The following ITGB3BP variants were observed in gnomAD, a reference collection of about 807,000 sequenced individuals.
ITGB3BP encodes the protein integrin subunit beta 3 binding protein, also known as centromere protein R.
In ITGB3BP, 27 loss-of-function variants were observed where a neutral mutation model predicts 29.1. That is an observed-to-expected ratio of 0.93 (90% CI 0.68 to 1.28). The LOEUF (loss-of-function observed/expected upper bound fraction) is 1.28, where lower values mean the gene tolerates loss of function less well. ITGB3BP is among the 50% of genes most tolerant of loss of function. The pLI is 0.00. For synonymous variants in ITGB3BP, 61 were observed against 61.4 expected (o/e 0.99, Z 0.03); for missense variants, 192 against 200.2 (o/e 0.96, Z 0.25).
chr1:63,467,615 C>G (rs889774205), intron 4 of ITGB3BP, among the ~76,000 whole-genome samples: 8 of 152,194 alleles, frequency 5.3e-5, no homozygotes, highest in Admixed American at 1.3e-4. Context: ...AAGCGATCCT[C>G]CTACCTTGGC....
At chr1:63,500,053 C>T (rs371961762) in intron 2 of ITGB3BP, among the ~76,000 whole-genome samples, 3 of 152,328 alleles carry the variant, frequency 2.0e-5, no homozygotes, top group Admixed American at 6.5e-5. Context: ...ACTATCCCTA[C>T]TTGCAGATGA....
intron 4 of ITGB3BP, among the ~76,000 whole-genome samples, chr1:63,468,970 G>A (rs1016934122): frequency 6.6e-6 from 1 of 151,894 alleles, no homozygotes; most frequent in African/African-American, 2.4e-5. Context: ...AGGATTGCTT[G>A]AACCAGGGAG....
chr1:63,474,057 G>A (rs1645275731), intron 4 of ITGB3BP, among the ~76,000 whole-genome samples: 2 of 20,456 alleles, frequency 9.8e-5, no homozygotes, highest in Non-Finnish European at 1.4e-4. Flanking sequence ...CGCCCCGTCC[G>A]GGAGGTGAGG....
chr1:63,454,635 A>G lies in ITGB3BP; in HGVS notation c.334-162T>C, dbSNP rs950642306. The stretch of plus-strand genomic sequence containing the variant: ...CAGGCCAACTATTTCAAGCCCAAAA[A>G]TGCCTGAAAAAAAACAATTTATAAT... On this transcript the variant is annotated intron_variant, in intron 5 of 8. Coordinates refer to ENST00000271002, the MANE Select transcript of ITGB3BP (RefSeq NM_014288.5). This position sits in a 1 kb window ranked among gnomAD's most constrained non-coding sequence, Gnocchi z 4.1. 6.6e-6 allele frequency among the ~76,000 whole-genome samples: 1 copy of G among 152,078 alleles called. No homozygotes were observed. Among genetic ancestry groups the G allele is most frequent in the Non-Finnish European group, 1.5e-5 (1 of 67,996 alleles).
Position 63,468,159 on chromosome 1 carries a change from A to G in ITGB3BP, c.254+10605T>C, listed in dbSNP as rs951008663. 2.6e-5 allele frequency among the ~76,000 whole-genome samples: 4 copies of G among 152,314 alleles called. No homozygotes were observed. The South Asian group carries it at 6.2e-4, about 24-fold the overall frequency. On this transcript the variant is annotated intron_variant, in intron 4 of 8. Coordinates refer to ENST00000271002, the MANE Select transcript of ITGB3BP (RefSeq NM_014288.5). ...CTGCCAGTATCATCTTTGCTTGAAG[A>G]TCTCCATCTGAGAAGTAGTCTCTTT...
intron 4 of ITGB3BP, among the ~76,000 whole-genome samples, chr1:63,471,160 A>G (rs532685992): frequency 4.6e-5 from 7 of 151,786 alleles, no homozygotes; most frequent in African/African-American, 1.7e-4. Context: ...CACTCTAAAA[A>G]GTTTCTTTTT....
exon 2 of ITGB3BP, chr1:63,529,149 C>T (rs1440880810): frequency 6.6e-6 from 1 of 152,148 alleles, no homozygotes; most frequent in Non-Finnish European, 1.5e-5. Context: ...GCTAGGGCAG[C>T]ATGGTAATCA....
chr1:63,499,028 T>A (rs1342724618), intron 2 of ITGB3BP, among the ~76,000 whole-genome samples: 1 of 152,046 alleles, frequency 6.6e-6, no homozygotes, highest in Non-Finnish European at 1.5e-5. Flanking sequence ...CATACCAGGA[T>A]TGAATTATGG....
intron 2 of ITGB3BP, among the ~76,000 whole-genome samples, chr1:63,493,112 A>G (rs1307958839): frequency 1.4e-5 from 2 of 147,794 alleles, no homozygotes; most frequent in Admixed American, 6.8e-5. Context: ...AAGAAAATAG[A>G]TGTCACAACC....
At chr1:63,486,205 G>T (rs1645526509) in intron 3 of ITGB3BP, among the ~76,000 whole-genome samples, 2 of 152,004 alleles carry the variant, frequency 1.3e-5, no homozygotes. Flanking sequence ...CTTCGACTAT[G>T]CAAATTTGTT....
intron 4 of ITGB3BP, among the ~76,000 whole-genome samples, chr1:63,474,764 G>C (rs1447190911): frequency 6.7e-6 from 1 of 148,786 alleles, no homozygotes; most frequent in African/African-American, 2.4e-5. Flanking sequence ...GCGGAAGGCC[G>C]CAGGGTCCTC....
chr1:63,463,570 A>C (rs1009445542), intron 4 of ITGB3BP, among the ~76,000 whole-genome samples: 2 of 152,222 alleles, frequency 1.3e-5, no homozygotes, highest in Non-Finnish European at 2.9e-5. Flanking sequence ...AATTATCTGA[A>C]AATAAAACTT....
chr1:63,469,510 G>A (rs1334292291), intron 4 of ITGB3BP, among the ~76,000 whole-genome samples: 1 of 152,042 alleles, frequency 6.6e-6, no homozygotes, highest in Non-Finnish European at 1.5e-5. Flanking sequence ...ATTTTTACTA[G>A]AGACGGGGTT....
intron 8 of ITGB3BP, 135 bp downstream of exon 8, chr1:63,446,671 A>C: frequency 1.5e-6 from 1 of 656,562 alleles, no homozygotes; most frequent in South Asian, 2.0e-5. Context: ...GTTCAACTAA[A>C]GCTCCAAAGC....
At chr1:63,496,305 C>G (rs1645786847) in intron 2 of ITGB3BP, among the ~76,000 whole-genome samples, 2 of 151,936 alleles carry the variant, frequency 1.3e-5, no homozygotes, top group Non-Finnish European at 2.9e-5. Context: ...TGTTGCCAGG[C>G]TGATCTCAAA....
At chr1:63,441,863 GAA>G (rs1022996016) in intron 8 of ITGB3BP, among the ~76,000 whole-genome samples, 20 of 152,170 alleles carry the variant, frequency 1.3e-4, no homozygotes, top group Admixed American at 2.6e-4. Flanking sequence ...TTCTGTGAGA[GAA>G]AGCCCTTGAA....
chr1:63,473,398 T>A (rs1398138729), intron 4 of ITGB3BP, among the ~76,000 whole-genome samples: 1 of 114,596 alleles, frequency 8.7e-6, no homozygotes. Context: ...GGTGAGGGGC[T>A]CCTCTGCCCG....
chr1:63,440,796 G>C lies in ITGB3BP; in HGVS notation c.*309C>G, dbSNP rs1644720353. 6.6e-6 allele frequency: 1 copy of C among 152,574 alleles called. No individual in the cohort carries two copies. 9.5% of individuals were successfully genotyped at this position (152,574 alleles called of 1,614,324 possible). On this transcript the variant is annotated 3_prime_UTR_variant, in exon 9 of 9. Coordinates refer to ENST00000271002, the MANE Select transcript of ITGB3BP (RefSeq NM_014288.5). The stretch of plus-strand genomic sequence containing the variant: ...GCCACTTTTATACATGCTTTATTAA[G>C]TCTACCCACAAATGCTAAAAGTCCA...
At chr1:63,527,088 T>C (rs1166259739), upstream of ITGB3BP, among the ~76,000 whole-genome samples, 1 of 152,236 alleles carries the variant, frequency 6.6e-6, no homozygotes, top group East Asian at 1.9e-4. Context: ...TACTTCTAAT[T>C]TGCCATTATT....
Sources: allele counts gnomAD v4.1 joint callset (sites outside exome capture counted in the v4.1 genomes callset), GRCh38; gene constraint gnomAD v4.1.1; non-coding constraint Gnocchi (gnomAD v3.1); transcripts MANE v1.5; gene names NCBI Gene and HGNC (gene_info 2026-07-23, HGNC 2026-07-21).